The following SLC16A12 variants were observed in gnomAD, a reference collection of about 807,000 sequenced individuals.
SLC16A12 encodes the protein monocarboxylate transporter 12.
In SLC16A12, 17 loss-of-function variants were observed where a neutral mutation model predicts 42.4. The ratio of observed to expected loss-of-function variants is 0.40; its 90% CI spans 0.27 to 0.60. SLC16A12 has a LOEUF of 0.60. Among genes scored for constraint, SLC16A12 ranks in the 20% least tolerant of loss-of-function variants. The probability of loss-of-function intolerance (pLI) is 0.42; values close to 1 mark genes in which losing one functional copy is unlikely to be tolerated. For missense variants in SLC16A12, 544 were observed against 623.0 expected (o/e 0.87, Z 1.35); for synonymous variants, 224 against 229.4 (o/e 0.98, Z 0.21).
chr10:89,458,680 C>G (rs572821666), intron 3 of SLC16A12, among the ~76,000 whole-genome samples: 10 of 152,274 alleles, frequency 6.6e-5, no homozygotes, highest in African/African-American at 2.4e-4. Flanking sequence ...TACTGAAGAG[C>G]TTTACTTAAT....
intron 3 of SLC16A12, among the ~76,000 whole-genome samples, chr10:89,445,727 G>A (rs916227399): frequency 1.3e-5 from 2 of 152,102 alleles, no homozygotes; most frequent in African/African-American, 4.8e-5. Flanking sequence ...CCTCACCGGC[G>A]ACAGAACAAA....
chr10:89,495,042 T>C (rs990558860), intron 2 of SLC16A12, among the ~76,000 whole-genome samples: 12 of 152,052 alleles, frequency 7.9e-5, no homozygotes, highest in African/African-American at 2.9e-4. Flanking sequence ...TCTGGCCCTA[T>C]ATTACTCTAA....
upstream of SLC16A12, among the ~76,000 whole-genome samples, chr10:89,537,123 C>T (rs975329214): frequency 1.3e-5 from 2 of 150,040 alleles, no homozygotes; most frequent in African/African-American, 4.9e-5. Flanking sequence ...GCATTTGCCA[C>T]GCAGCAAGGC....
chr10:89,442,554 A>T (rs1050877930), intron 4 of SLC16A12, among the ~76,000 whole-genome samples: 3 of 152,180 alleles, frequency 2.0e-5, no homozygotes, highest in African/African-American at 7.2e-5. Flanking sequence ...GTGCTGATGC[A>T]AATGCTGTGA....
chr10:89,481,512 A>G (rs543482057), intron 2 of SLC16A12, among the ~76,000 whole-genome samples: 13 of 152,150 alleles, frequency 8.5e-5, no homozygotes, highest in Non-Finnish European at 1.9e-4. Flanking sequence ...TCTCATACAC[A>G]GATTAAAAGT....
chr10:89,444,511 G>C (rs1305896873), intron 3 of SLC16A12, among the ~76,000 whole-genome samples: 1 of 152,120 alleles, frequency 6.6e-6, no homozygotes, highest in Non-Finnish European at 1.5e-5. Flanking sequence ...TGATGATGTT[G>C]ATCTGTATAT....
chr10:89,523,839 C>A (rs1207748497), intron 2 of SLC16A12, among the ~76,000 whole-genome samples: 3 of 152,192 alleles, frequency 2.0e-5, no homozygotes, highest in Non-Finnish European at 4.4e-5. Flanking sequence ...ATAGTCCTTG[C>A]CCTCTTGTTG....
chr10:89,515,568 T>C (rs760441806), intron 2 of SLC16A12, among the ~76,000 whole-genome samples: 8 of 152,136 alleles, frequency 5.3e-5, no homozygotes, highest in Non-Finnish European at 1.2e-4. Context: ...TCCAGATGCT[T>C]CTTATCCCCG....
intron 2 of SLC16A12, among the ~76,000 whole-genome samples, chr10:89,527,298 C>T (rs1421798716): frequency 6.6e-6 from 1 of 151,696 alleles, no homozygotes; most frequent in Admixed American, 6.6e-5. Context: ...GCCTGACCAA[C>T]GTGGTGAAAC....
At chr10:89,434,231 A>C (rs1037764909) in intron 7 of SLC16A12, among the ~76,000 whole-genome samples, 2 of 152,234 alleles carry the variant, frequency 1.3e-5, no homozygotes, top group Non-Finnish European at 2.9e-5. Flanking sequence ...AGCACCAAAC[A>C]AAAAAGACTG....
chr10:89,539,857 T>TTTTCTTTTTCTTTC (rs767393215), upstream of SLC16A12, among the ~76,000 whole-genome samples: 4 of 127,856 alleles, frequency 3.1e-5, no homozygotes, highest in Non-Finnish European at 1.6e-5. Context: ...AGAAACAAAT[T>TTTTCTTTTTCTTTC]TTTCTTTCTT....
At chr10:89,543,312 T>C (rs1246193219) in intron 2 of SLC16A12, among the ~76,000 whole-genome samples, 1 of 152,240 alleles carries the variant, frequency 6.6e-6, no homozygotes, top group Non-Finnish European at 1.5e-5. Context: ...CATCCCAGTT[T>C]ATTCACAAAG....
intron 2 of SLC16A12, among the ~76,000 whole-genome samples, chr10:89,504,205 T>C (rs913546433): frequency 1.3e-5 from 2 of 152,124 alleles, no homozygotes; most frequent in African/African-American, 2.4e-5. Flanking sequence ...GTCCTGAAAC[T>C]AAGCAGCCAG....
intron 2 of SLC16A12, among the ~76,000 whole-genome samples, chr10:89,470,791 T>C (rs1212227031): frequency 2.0e-5 from 3 of 152,226 alleles, no homozygotes; most frequent in African/African-American, 7.2e-5. Context: ...TTTCACTTTC[T>C]ATGCACATTC....
intron 2 of SLC16A12, among the ~76,000 whole-genome samples, chr10:89,466,767 C>T (rs986318678): frequency 1.3e-5 from 2 of 152,100 alleles, no homozygotes; most frequent in Admixed American, 1.3e-4. Context: ...GATAGAGTAC[C>T]CTGATAGGGT....
At chr10:89,542,194 A>C (rs1047012557) in intron 2 of SLC16A12, among the ~76,000 whole-genome samples, 4 of 152,222 alleles carry the variant, frequency 2.6e-5, no homozygotes, top group Middle Eastern at 3.2e-3. Flanking sequence ...TTTTACAAAA[A>C]TATTCAATTT....
At chr10:89,539,641 T>G (rs750903365), upstream of SLC16A12, among the ~76,000 whole-genome samples, 2 of 152,232 alleles carry the variant, frequency 1.3e-5, no homozygotes, top group Non-Finnish European at 2.9e-5. Context: ...CAGGTCAAGA[T>G]AGAAGCTACT....
intron 3 of SLC16A12, among the ~76,000 whole-genome samples, chr10:89,451,631 C>T (rs889905415): frequency 1.3e-5 from 2 of 152,020 alleles, no homozygotes; most frequent in African/African-American, 4.8e-5. Context: ...AGGCTGGTCT[C>T]GAACTCCTGA....
intron 2 of SLC16A12, among the ~76,000 whole-genome samples, chr10:89,470,173 T>C (rs896413231): frequency 6.6e-5 from 10 of 152,104 alleles, no homozygotes; most frequent in African/African-American, 1.7e-4. Flanking sequence ...CAAGGAATCA[T>C]GGGATTGTGT....
Sources: allele counts gnomAD v4.1 joint callset (sites outside exome capture counted in the v4.1 genomes callset), GRCh38; gene constraint gnomAD v4.1.1; transcripts MANE v1.5; gene names NCBI Gene and HGNC (gene_info 2026-07-23, HGNC 2026-07-21).